PTPN4: variants seen among roughly 807,000 people sequenced by gnomAD.
PTPN4 encodes protein tyrosine phosphatase non-receptor type 4, also known as tyrosine-protein phosphatase non-receptor type 4.
In PTPN4, 49 loss-of-function variants were observed where a neutral mutation model predicts 135.5. That is an observed-to-expected ratio of 0.36 (90% confidence interval 0.29 to 0.46). The LOEUF is 0.46. PTPN4 is among the 20% of genes least tolerant of loss of function. The pLI is 1.00. For synonymous variants in PTPN4, 333 were observed against 369.9 expected, an observed-to-expected ratio of 0.90 and a Z score of 1.14; for missense variants, 860 against 1,101.0, an observed-to-expected ratio of 0.78 and a Z score of 3.10.
In PTPN4 at chr2:119,760,054, G is replaced by T. The variant is rs866741101; in HGVS notation, c.-348G>T. On this transcript the variant is annotated 5_prime_UTR_variant, in exon 1 of 27. Coordinates refer to ENST00000263708, the MANE Select transcript of PTPN4 (RefSeq NM_002830.4). ...CTGAGCGGGAGAGGAAAGAGACTTG[G>T]CTTTGGCCGCGGGGTCGGAGGATTG... The T allele has an allele frequency of 2.6e-6, 1 of 383,824 alleles. No individual in the cohort carries two copies. The highest frequency in any genetic ancestry group is 4.6e-6 in the Non-Finnish European group (1 of 217,002). The allele number at this position is 383,824 out of a possible 1,614,324, so 23.8% of individuals were successfully genotyped here. A position where few individuals can be genotyped will look rare whatever the true frequency, so the allele number is the denominator to read the frequency against.
At chr2:119,902,548 C>A (rs1678421404) in intron 10 of PTPN4, among the ~76,000 whole-genome samples, 1 of 152,112 alleles carries the variant, frequency 6.6e-6, no homozygotes, top group Admixed American at 6.5e-5. Context: ...CTTGTGTCTT[C>A]CACAAAGAAG....
At chr2:119,847,328 A>ATTTTT (rs150876390) in intron 2 of PTPN4, among the ~76,000 whole-genome samples, 28 of 102,754 alleles carry the variant, frequency 2.7e-4, no homozygotes, top group African/African-American at 6.6e-4. Flanking sequence ...ATATATATAT[A>ATTTTT]TTTTTTTTTT....
intron 10 of PTPN4, among the ~76,000 whole-genome samples, chr2:119,913,160 A>G (rs1314360814): frequency 6.6e-6 from 1 of 152,056 alleles, no homozygotes; most frequent in Non-Finnish European, 1.5e-5. Context: ...GGTGAGAATT[A>G]TGTTGCTCTG....
At chr2:119,856,808 G>C (rs1029834357) in intron 2 of PTPN4, among the ~76,000 whole-genome samples, 1 of 152,156 alleles carries the variant, frequency 6.6e-6, no homozygotes, top group Non-Finnish European at 1.5e-5. Context: ...CAGTAATTGA[G>C]ATTCTCTGTC....
chr2:119,852,289 G>T (rs1409407078), intron 2 of PTPN4, among the ~76,000 whole-genome samples: 1 of 152,198 alleles, frequency 6.6e-6, no homozygotes, highest in Non-Finnish European at 1.5e-5. Context: ...ATCAGCTTAG[G>T]TTGTGCGGTC....
intron 1 of PTPN4, among the ~76,000 whole-genome samples, chr2:119,766,831 T>G (rs1690639136): frequency 6.6e-6 from 1 of 152,110 alleles, no homozygotes; most frequent in South Asian, 2.1e-4. Context: ...TCACTAGACC[T>G]GAGAGTCCAT....
In PTPN4 at chr2:119,983,190, C is replaced by A. The variant is rs139575490; in HGVS notation, c.*6120C>A. 6.6e-6 allele frequency: 1 copy of A among 152,132 alleles called. No homozygotes were observed. The highest frequency in any genetic ancestry group is 1.9e-4 in the East Asian group (1 of 5,192). The allele number at this position is 152,132 out of a possible 1,614,324, so 9.4% of individuals were successfully genotyped here. A position where few individuals can be genotyped will look rare whatever the true frequency, so the allele number is the denominator to read the frequency against. On this transcript the variant is annotated 3_prime_UTR_variant, in exon 27 of 27. Coordinates refer to ENST00000263708, the MANE Select transcript of PTPN4 (RefSeq NM_002830.4). ...CAGGCTCTCTCAACCCTGGGAGTTT[C>A]CAAAATTTAGCAAATATTACTTGTG...
intron 1 of PTPN4, among the ~76,000 whole-genome samples, chr2:119,778,626 T>C (rs17610632): frequency 0.021 from 3,165 of 152,190 alleles, 47 homozygotes; most frequent in Non-Finnish European, 0.032. Context: ...AAATAGGATA[T>C]AGTGAGTTGT....
chr2:119,812,303 T>G (rs1324133177), intron 2 of PTPN4, among the ~76,000 whole-genome samples: 2 of 152,180 alleles, frequency 1.3e-5, no homozygotes, highest in African/African-American at 4.8e-5. Flanking sequence ...AAATCCTTTG[T>G]GGGCAGCTGC....
At chr2:119,912,341 T>G (rs1678583825) in intron 10 of PTPN4, among the ~76,000 whole-genome samples, 1 of 152,188 alleles carries the variant, frequency 6.6e-6, no homozygotes, top group Non-Finnish European at 1.5e-5. Flanking sequence ...GTGATAGATA[T>G]GTTCACTATC....
chr2:119,845,651 ATCT>A (rs971453066), intron 2 of PTPN4, among the ~76,000 whole-genome samples: 12 of 151,336 alleles, frequency 7.9e-5, no homozygotes, highest in African/African-American at 7.3e-5. Flanking sequence ...AGTTTTTCTG[ATCT>A]TCTCAAAAAA....
chr2:119,853,672 A>G (rs1033210098), intron 2 of PTPN4, among the ~76,000 whole-genome samples: 16 of 152,174 alleles, frequency 1.1e-4, no homozygotes, highest in Admixed American at 2.6e-4. Flanking sequence ...GAGCACATCA[A>G]ATAGGTATAA....
chr2:119,940,630 A>T (rs1044783235), intron 15 of PTPN4, among the ~76,000 whole-genome samples: 83 of 152,114 alleles, frequency 5.5e-4, no homozygotes, highest in Middle Eastern at 6.8e-3. Flanking sequence ...TTATTTTTTT[A>T]AAAAAATTTT....
intron 1 of PTPN4, among the ~76,000 whole-genome samples, chr2:119,790,655 T>G (rs1691127862): frequency 1.3e-5 from 2 of 152,160 alleles, no homozygotes; most frequent in South Asian, 4.1e-4. Flanking sequence ...CTCTGCCTTT[T>G]GATTTGAGTA....
chr2:119,974,368 G>A (rs1679583953), intron 26 of PTPN4, among the ~76,000 whole-genome samples: 1 of 152,024 alleles, frequency 6.6e-6, no homozygotes, highest in Admixed American at 6.5e-5. Context: ...CCCGCCACCA[G>A]GCCTGGCTCA....
At chr2:119,968,096 C>T in intron 26 of PTPN4, 124 bp downstream of exon 26, 1 of 833,664 alleles carries the variant, frequency 1.2e-6, no homozygotes, top group South Asian at 3.3e-5. Context: ...GGTCAAATAA[C>T]CTCTAGCACA....
intron 9 of PTPN4, among the ~76,000 whole-genome samples, chr2:119,890,114 C>T (rs1198331720): frequency 1.3e-5 from 2 of 151,766 alleles, no homozygotes; most frequent in East Asian, 3.9e-4. Flanking sequence ...GGTGTTAGTC[C>T]CCTACTATTA....
intron 2 of PTPN4, among the ~76,000 whole-genome samples, chr2:119,832,672 T>C (rs1677236326): frequency 6.6e-6 from 1 of 152,174 alleles, no homozygotes; most frequent in Admixed American, 6.5e-5. Context: ...CTTTTTCTCC[T>C]TATTCTGTTA....
rs566380714 is a variant in PTPN4 at position 119,950,468 on chromosome 2, A to G, written c.1657-1505A>G. Reference sequence around the variant, plus strand: ...GAAATAATCAGAACTTTTCATTTTCAGATGTCTTTTCAGAACTTCAGATGT... The same window carrying G: ...GAAATAATCAGAACTTTTCATTTTCGGATGTCTTTTCAGAACTTCAGATGT... On this transcript the variant is annotated intron_variant, in intron 18 of 26. Coordinates refer to ENST00000263708, the MANE Select transcript of PTPN4 (RefSeq NM_002830.4). Among the ~76,000 whole-genome samples the G allele has an allele frequency of 4.6e-5, 7 of 152,336 alleles. No individual in the cohort carries two copies. The East Asian group carries it at 1.3e-3, about 29-fold the overall frequency.
Sources: gnomAD v4.1 joint callset for allele counts (sites outside exome capture counted in the v4.1 genomes callset) on GRCh38, gnomAD v4.1.1 for gene constraint, MANE v1.5 for transcripts, NCBI Gene and HGNC (gene_info 2026-07-23, HGNC 2026-07-21) for gene names.